Variants in CEP63 observed in about 807,000 individuals in gnomAD.
CEP63 encodes centrosomal protein of 63 kDa.
In CEP63, 84 loss-of-function variants were observed where a neutral mutation model predicts 89.1. The observed-to-expected ratio is 0.94, with a 90% CI of 0.79 to 1.13. The LOEUF (loss-of-function observed/expected upper bound fraction) is 1.13. CEP63 is among the 50% of genes most tolerant of loss of function. The probability of loss-of-function intolerance (pLI) is 0.00; values close to 1 mark genes in which losing one functional copy is unlikely to be tolerated. For missense variants in CEP63, 838 were observed against 813.3 expected, an observed-to-expected ratio of 1.03 and a Z score of -0.37; for synonymous variants, 267 against 272.5, an observed-to-expected ratio of 0.98 and a Z score of 0.20.
chr3:134,536,964 AG>A, intron 5 of CEP63, 190 bp from the exon 6 acceptor site: 1 of 596,256 alleles, frequency 1.7e-6, no homozygotes, highest in South Asian at 1.7e-5. Flanking sequence ...AGATATCCAG[AG>A]GCACAGTATG....
At chr3:134,735,144 T>TA in the CEP63 span, among the ~76,000 whole-genome samples, 4 of 152,286 alleles carry the variant, frequency 2.6e-5, no homozygotes, top group South Asian at 2.1e-4. Flanking sequence ...CTAAGCTTTT[T>TA]AAAAAAATCC....
At chr3:134,519,150 G>A (rs1342033774) in intron 3 of CEP63, among the ~76,000 whole-genome samples, 4 of 151,874 alleles carry the variant, frequency 2.6e-5, no homozygotes, top group Non-Finnish European at 5.9e-5. Context: ...TTGAGATGGA[G>A]TCTCACTCTG....
the CEP63 span, among the ~76,000 whole-genome samples, chr3:134,623,172 C>T: frequency 6.6e-6 from 1 of 152,218 alleles, no homozygotes; most frequent in African/African-American, 2.4e-5. Context: ...CTCCTGGCCC[C>T]ACCTGGGCCT....
At chr3:134,486,868 A>G (rs1316751991) in intron 1 of CEP63, among the ~76,000 whole-genome samples, 1 of 152,250 alleles carries the variant, frequency 6.6e-6, no homozygotes, top group Admixed American at 6.5e-5. Flanking sequence ...ATAGAAAGAA[A>G]TAAGGACGGT....
At chr3:134,567,018 T>C (rs1056366577), downstream of CEP63, among the ~76,000 whole-genome samples, 1 of 152,192 alleles carries the variant, frequency 6.6e-6, no homozygotes, top group East Asian at 1.9e-4. Context: ...GCAACCTAAA[T>C]ATCCATCATT....
intron 2 of CEP63, among the ~76,000 whole-genome samples, chr3:134,496,697 T>C (rs948464281): frequency 7.2e-5 from 11 of 152,192 alleles, no homozygotes; most frequent in Admixed American, 3.3e-4. Flanking sequence ...TCTGATTGAG[T>C]GCAGTCTTTA....
chr3:134,615,871 C>T, the CEP63 span, among the ~76,000 whole-genome samples: 2 of 152,226 alleles, frequency 1.3e-5, no homozygotes, highest in South Asian at 2.1e-4. Context: ...TGCACACACT[C>T]CTGCCCCTGC....
chr3:134,686,199 A>C, the CEP63 span, among the ~76,000 whole-genome samples: 1 of 152,222 alleles, frequency 6.6e-6, no homozygotes, highest in African/African-American at 2.4e-5. Flanking sequence ...TATGAAAAGC[A>C]AAAGTCCTAG....
chr3:134,623,925 A>G, the CEP63 span, among the ~76,000 whole-genome samples: 3 of 151,944 alleles, frequency 2.0e-5, no homozygotes, highest in Non-Finnish European at 4.4e-5. Context: ...CTGCAATATG[A>G]TGCCCGTCCT....
chr3:134,765,504 A>T, the CEP63 span, among the ~76,000 whole-genome samples: 1 of 152,236 alleles, frequency 6.6e-6, no homozygotes, highest in African/African-American at 2.4e-5. Context: ...GGAGGCATGT[A>T]GGGTCTCCTG....
chr3:134,491,589 C>T (rs547781173), intron 1 of CEP63, among the ~76,000 whole-genome samples: 16 of 152,162 alleles, frequency 1.1e-4, no homozygotes, highest in Non-Finnish European at 2.2e-4. Context: ...GGATTTTGAA[C>T]TATAGTTTGG....
At chr3:134,645,113 T>G in the CEP63 span, among the ~76,000 whole-genome samples, 1 of 152,222 alleles carries the variant, frequency 6.6e-6, no homozygotes, top group Non-Finnish European at 1.5e-5. Context: ...TGGTTTCCCT[T>G]TAGCTGTGGG....
chr3:134,642,882 C>A, the CEP63 span, among the ~76,000 whole-genome samples: 2 of 152,296 alleles, frequency 1.3e-5, no homozygotes, highest in South Asian at 4.1e-4. Context: ...CCTTTCCAAG[C>A]CTCAGTTTAC....
At position 134,551,543 on chromosome 3, in the gene CEP63, G is replaced by C. The variant is rs1213988000; in HGVS notation, c.1381-383G>C. 3.9e-5 allele frequency among the ~76,000 whole-genome samples: 6 copies of C among 152,134 alleles called. No individual in the cohort carries two copies. The East Asian group carries it at 9.6e-4, about 24-fold the overall frequency. On this transcript the variant is annotated intron_variant, in intron 11 of 14. Coordinates refer to ENST00000675561, the MANE Select transcript of CEP63 (RefSeq NM_001353108.3). The stretch of plus-strand genomic sequence containing the variant: ...TTGTGAATAAAGTACAATTCCATGT[G>C]ACGTTGCAGGTAGAAGCCAAATTGG...
At chr3:134,647,130 C>T in the CEP63 span, among the ~76,000 whole-genome samples, 1 of 152,214 alleles carries the variant, frequency 6.6e-6, no homozygotes, top group Non-Finnish European at 1.5e-5. Flanking sequence ...CATAGGAGCA[C>T]ACTCAAACCT....
the CEP63 span, among the ~76,000 whole-genome samples, chr3:134,771,214 T>C: frequency 2.0e-5 from 3 of 152,160 alleles, no homozygotes; most frequent in African/African-American, 7.2e-5. Flanking sequence ...CTGTCCTTTC[T>C]CTAGGCTGAG....
chr3:134,581,524 T>C (rs1415921341), intron 10 of CEP63, among the ~76,000 whole-genome samples: 3 of 150,262 alleles, frequency 2.0e-5, no homozygotes, highest in Non-Finnish European at 3.0e-5. Flanking sequence ...AGGTTGCCAG[T>C]GAGCCGAGAT....
At chr3:134,727,352 A>T in the CEP63 span, among the ~76,000 whole-genome samples, 1 of 152,228 alleles carries the variant, frequency 6.6e-6, no homozygotes, top group Non-Finnish European at 1.5e-5. Context: ...GTGGGTGATC[A>T]GTTAGCAAAA....
chr3:134,769,639 A>G, the CEP63 span, among the ~76,000 whole-genome samples: 1 of 152,354 alleles, frequency 6.6e-6, no homozygotes, highest in South Asian at 2.1e-4. Flanking sequence ...AATTACTCTG[A>G]AAACTCCTTG....
Sources: gnomAD v4.1 joint callset for allele counts (sites outside exome capture counted in the v4.1 genomes callset) on GRCh38, gnomAD v4.1.1 for gene constraint, MANE v1.5 for transcripts, NCBI Gene and HGNC (gene_info 2026-07-23, HGNC 2026-07-21) for gene names.